The following HSP90AA1 variants were observed in gnomAD, a reference collection of about 807,000 sequenced individuals.
HSP90AA1 encodes the protein heat shock protein HSP 90-alpha.
HSP90AA1 carries 18 observed loss-of-function variants against 73.3 expected under a neutral mutation model. The ratio of observed to expected loss-of-function variants is 0.25; its 90% CI spans 0.17 to 0.36. The LOEUF is 0.36. HSP90AA1 is among the 10% of genes least tolerant of loss of function. The pLI is 1.00. For synonymous variants in HSP90AA1, 477 were observed against 296.9 expected (o/e 1.61, Z -6.24); for missense variants, 704 against 874.2 (o/e 0.81, Z 2.45).
chr14:102,135,461 C>T (rs556968922), intron 1 of HSP90AA1, among the ~76,000 whole-genome samples: 41 of 152,400 alleles, frequency 2.7e-4, no homozygotes, highest in African/African-American at 9.6e-4. Flanking sequence ...TAGTGGATCC[C>T]GCACCGGGGC....
intron 6 of HSP90AA1, 38 bp downstream of exon 6, chr14:102,084,361 A>C (rs772459255): frequency 3.2e-6 from 5 of 1,587,268 alleles, no homozygotes; most frequent in South Asian, 1.1e-5. Context: ...GTACTTCTTT[A>C]ATCAGTGACA....
At chr14:102,115,531 CAAT>C (rs2049695446) in intron 1 of HSP90AA1, among the ~76,000 whole-genome samples, 1 of 152,100 alleles carries the variant, frequency 6.6e-6, no homozygotes, top group African/African-American at 2.4e-5. Context: ...ACACCAACAG[CAAT>C]AATATGCATA....
upstream of HSP90AA1, among the ~76,000 whole-genome samples, chr14:102,087,818 C>A (rs753208084): frequency 6.6e-6 from 1 of 151,896 alleles, no homozygotes; most frequent in African/African-American, 2.4e-5. Context: ...TGAACAAATT[C>A]ATGCTTACCC....
intron 2 of HSP90AA1, among the ~76,000 whole-genome samples, chr14:102,093,832 G>A (rs1709059252): frequency 6.6e-6 from 1 of 152,170 alleles, no homozygotes; most frequent in Non-Finnish European, 1.5e-5. Context: ...GAATTAGCCA[G>A]GCATGGTGGC....
intron 1 of HSP90AA1, among the ~76,000 whole-genome samples, chr14:102,134,031 G>T (rs1454971317): frequency 6.6e-6 from 1 of 151,754 alleles, no homozygotes; most frequent in African/African-American, 2.4e-5. Context: ...GGCGCCTGTA[G>T]TCCCAGCTAC....
chr14:102,084,343 C>T, intron 6 of HSP90AA1, 56 bp downstream of exon 6: 3 of 1,540,126 alleles, frequency 1.9e-6, no homozygotes, highest in African/African-American at 2.7e-5. Flanking sequence ...ACCATGCCCA[C>T]CCAGAAAGTA....
intron 1 of HSP90AA1, among the ~76,000 whole-genome samples, chr14:102,102,577 A>T (rs2049508322): frequency 6.6e-6 from 1 of 152,188 alleles, no homozygotes; most frequent in African/African-American, 2.4e-5. Context: ...AGTAAGCTAA[A>T]TGCATCAATG....
intron 1 of HSP90AA1, among the ~76,000 whole-genome samples, chr14:102,134,500 A>T (rs547062905): frequency 2.3e-4 from 35 of 151,662 alleles, no homozygotes; most frequent in Non-Finnish European, 4.7e-4. Flanking sequence ...GAGTGTTACA[A>T]CTCTTAAGGT....
intron 2 of HSP90AA1, among the ~76,000 whole-genome samples, chr14:102,096,792 G>A (rs1377480862): frequency 6.6e-6 from 1 of 152,160 alleles, no homozygotes; most frequent in Non-Finnish European, 1.5e-5. Context: ...GTTGTATATG[G>A]GGCCTCCAGT....
At chr14:102,093,335 G>C (rs891324969) in intron 2 of HSP90AA1, among the ~76,000 whole-genome samples, 6 of 150,920 alleles carry the variant, frequency 4.0e-5, no homozygotes, top group African/African-American at 1.5e-4. Flanking sequence ...ATGGTGAAAC[G>C]CTGTCTCTAC....
intron 10 of HSP90AA1, 100 bp from the exon 11 acceptor site, chr14:102,081,921 G>T: frequency 1.3e-6 from 1 of 795,054 alleles, no homozygotes; most frequent in Non-Finnish European, 2.3e-6. Flanking sequence ...AGTATTACAG[G>T]ACATATGAGT....
At position 102,086,853 on chromosome 14, in the gene HSP90AA1, G is replaced by A. The variant is rs868087141; in HGVS notation, c.-1+133C>T. ...GGTCCCGAGGCCTCCGGAATAGAAAGCGCGGCCGCCCGGGAGCGCGGCCCT... is the reference window on the plus strand; with the variant it reads ...GGTCCCGAGGCCTCCGGAATAGAAAACGCGGCCGCCCGGGAGCGCGGCCCT... On this transcript the variant is annotated intron_variant, in intron 1 of 10. Coordinates refer to ENST00000216281, the MANE Select transcript of HSP90AA1 (RefSeq NM_005348.4). The A allele has an allele frequency of 2.0e-4, 81 of 400,822 alleles. No individual in the cohort carries two copies. In the East Asian group the frequency reaches 7.7e-3, roughly 38 times the overall value. The allele number at this position is 400,822 out of a possible 1,614,324, so 24.8% of individuals were successfully genotyped here. A position where few individuals can be genotyped will look rare whatever the true frequency, so the allele number is the denominator to read the frequency against.
upstream of HSP90AA1, chr14:102,087,307 C>T (rs2049269370): frequency 2.8e-6 from 1 of 357,816 alleles, no homozygotes; most frequent in Non-Finnish European, 3.9e-6. Context: ...GGCCTCAATG[C>T]GCCTGCGCGG....
chr14:102,121,768 A>G (rs1487543251), intron 1 of HSP90AA1, among the ~76,000 whole-genome samples: 3 of 152,248 alleles, frequency 2.0e-5, no homozygotes, highest in Non-Finnish European at 4.4e-5. Context: ...AGAAGTCATC[A>G]ACAAAAATCC....
intron 3 of HSP90AA1, 65 bp from the exon 4 acceptor site, chr14:102,085,496 A>G: frequency 2.8e-6 from 4 of 1,451,936 alleles, no homozygotes; most frequent in Non-Finnish European, 3.9e-6. Flanking sequence ...CATGCCTAAC[A>G]CCCTTATAAC....
chr14:102,095,104 C>A (rs1048835121), intron 2 of HSP90AA1, among the ~76,000 whole-genome samples: 1 of 152,272 alleles, frequency 6.6e-6, no homozygotes, highest in Non-Finnish European at 1.5e-5. Flanking sequence ...TGCGCATCCA[C>A]GTGGATGGGC....
intron 8 of HSP90AA1, 74 bp downstream of exon 8, chr14:102,083,472 A>G: frequency 6.8e-7 from 1 of 1,473,374 alleles, no homozygotes; most frequent in Non-Finnish European, 9.5e-7. Context: ...GTGCTACCTG[A>G]GTAGAAAACA....
intron 1 of HSP90AA1, among the ~76,000 whole-genome samples, chr14:102,134,560 C>T (rs954167963): frequency 6.6e-6 from 1 of 152,210 alleles, no homozygotes; most frequent in South Asian, 2.1e-4. Flanking sequence ...TTCAGAGTTT[C>T]TTCCTTCTGA....
At chr14:102,094,399 A>G (rs1012367119) in intron 2 of HSP90AA1, among the ~76,000 whole-genome samples, 3 of 152,224 alleles carry the variant, frequency 2.0e-5, no homozygotes, top group African/African-American at 7.2e-5. Context: ...GGTCCTGACC[A>G]TTGTGGTCGA....
Sources: gnomAD v4.1 joint callset for allele counts (sites outside exome capture counted in the v4.1 genomes callset) on GRCh38, gnomAD v4.1.1 for gene constraint, MANE v1.5 for transcripts, NCBI Gene and HGNC (gene_info 2026-07-23, HGNC 2026-07-21) for gene names.